Variants in SCAMP1 observed in about 807,000 individuals in gnomAD.
SCAMP1 encodes secretory carrier membrane protein 1, also known as secretory carrier-associated membrane protein 1.
SCAMP1 carries 15 observed loss-of-function variants against 41.8 expected under a neutral mutation model. The observed-to-expected ratio is 0.36, with a 90% CI of 0.24 to 0.55. The LOEUF (loss-of-function observed/expected upper bound fraction) is 0.55. Ranked by LOEUF, SCAMP1 falls within the 20% of genes least tolerant of loss-of-function variation. SCAMP1 has a pLI of 0.86. For synonymous variants in SCAMP1, 135 were observed against 136.8 expected, an observed-to-expected ratio of 0.99 and a Z score of 0.09; for missense variants, 341 against 412.6, an observed-to-expected ratio of 0.83 and a Z score of 1.50.
chr5:78,422,734 A>T (rs1462700747), intron 6 of SCAMP1, among the ~76,000 whole-genome samples: 3 of 152,140 alleles, frequency 2.0e-5, no homozygotes, highest in African/African-American at 7.2e-5. Context: ...ACTTTGTTGG[A>T]CTATTGCTTT....
chr5:78,366,197 G>A (rs1321720392), intron 1 of SCAMP1, among the ~76,000 whole-genome samples: 2 of 148,492 alleles, frequency 1.3e-5, no homozygotes, highest in African/African-American at 5.0e-5. Context: ...AGGCTGGAGT[G>A]CAGGGGTGCC....
chr5:78,418,836 G>A lies in SCAMP1; in HGVS notation c.405G>A (p.Gln135=). ...SNFPVGPCFY[Q]DFSVDIPVEF... is the part of the protein sequence containing the mutation. ...TTCCTGTCGGACCTTGTTTCTATCA[G>A]GATTTTTCTGTAGACATTCCTGTAG... Residue 135 remains glutamine (Q), a synonymous_variant, in exon 5 of 9, where the codon CAG becomes CAA. Coordinates refer to ENST00000621999, the MANE Select transcript of SCAMP1 (RefSeq NM_004866.6). 1 of 1,579,392 alleles carries A rather than the reference G, an allele frequency of 6.3e-7. No homozygotes were observed. Among genetic ancestry groups the A allele is most frequent in the Non-Finnish European group, 8.6e-7 (1 of 1,161,808 alleles).
At chr5:78,468,161 C>T (rs1267978615) in intron 8 of SCAMP1, among the ~76,000 whole-genome samples, 1 of 152,084 alleles carries the variant, frequency 6.6e-6, no homozygotes, top group African/African-American at 2.4e-5. Flanking sequence ...CTGCAGGGCC[C>T]AGTATGAGAT....
intron 7 of SCAMP1, among the ~76,000 whole-genome samples, chr5:78,454,393 GTGT>G (rs1427863247): frequency 6.6e-6 from 1 of 151,062 alleles, no homozygotes; most frequent in Admixed American, 6.6e-5. Context: ...TTAGCATGAA[GTGT>G]TGTTGAATTT....
intron 1 of SCAMP1, among the ~76,000 whole-genome samples, chr5:78,386,378 A>G (rs1372916264): frequency 6.6e-6 from 1 of 152,168 alleles, no homozygotes; most frequent in Non-Finnish European, 1.5e-5. Flanking sequence ...TGAAGACAGC[A>G]GATAGTTGGT....
intron 2 of SCAMP1, among the ~76,000 whole-genome samples, chr5:78,402,211 AT>A: frequency 7.0e-6 from 1 of 142,728 alleles, no homozygotes; most frequent in African/African-American, 2.6e-5. Context: ...TTTTTTTTTA[AT>A]TTGTTAAGGT....
chr5:78,437,850 T>A (rs1163594469), intron 6 of SCAMP1, among the ~76,000 whole-genome samples: 3 of 152,194 alleles, frequency 2.0e-5, no homozygotes, highest in Admixed American at 2.0e-4. Flanking sequence ...GTCCTGGACT[T>A]TATTTGGTTG....
intron 8 of SCAMP1, among the ~76,000 whole-genome samples, chr5:78,470,855 G>C (rs1251385735): frequency 6.6e-6 from 1 of 152,150 alleles, no homozygotes. Flanking sequence ...CAGGTGTGAA[G>C]TAGTTGTATA....
At chr5:78,374,852 T>C (rs1751027122) in intron 1 of SCAMP1, among the ~76,000 whole-genome samples, 2 of 152,066 alleles carry the variant, frequency 1.3e-5, no homozygotes, top group Admixed American at 1.3e-4. Context: ...ATGATATGAA[T>C]TTTTCAAAAT....
At chr5:78,423,087 A>G (rs1007176874) in intron 6 of SCAMP1, among the ~76,000 whole-genome samples, 39 of 152,200 alleles carry the variant, frequency 2.6e-4, no homozygotes, top group African/African-American at 8.9e-4. Flanking sequence ...CAGATGAGGG[A>G]AAAACAGAAG....
At chr5:78,378,260 A>G (rs1266425189) in intron 1 of SCAMP1, among the ~76,000 whole-genome samples, 1 of 152,224 alleles carries the variant, frequency 6.6e-6, no homozygotes, top group Non-Finnish European at 1.5e-5. Context: ...GTAGATTTTT[A>G]TGTTATTAGA....
At chr5:78,432,425 C>T (rs1752647115) in intron 6 of SCAMP1, among the ~76,000 whole-genome samples, 1 of 151,978 alleles carries the variant, frequency 6.6e-6, no homozygotes, top group African/African-American at 2.4e-5. Flanking sequence ...CTGAAAAAGT[C>T]TTCATTTTTT....
chr5:78,377,868 GA>G (rs980972639), intron 1 of SCAMP1, among the ~76,000 whole-genome samples: 2 of 152,056 alleles, frequency 1.3e-5, no homozygotes, highest in Non-Finnish European at 2.9e-5. Context: ...TTTTACTGAT[GA>G]AAAAACTGAG....
chr5:78,399,697 G>A (rs900036300), intron 2 of SCAMP1, among the ~76,000 whole-genome samples: 1 of 152,128 alleles, frequency 6.6e-6, no homozygotes, highest in Non-Finnish European at 1.5e-5. Context: ...GTATCTTTTG[G>A]ATAACGGTTC....
chr5:78,449,351 A>T (rs1004150065), intron 6 of SCAMP1, among the ~76,000 whole-genome samples: 2 of 152,200 alleles, frequency 1.3e-5, no homozygotes, highest in Admixed American at 1.3e-4. Flanking sequence ...AAACTGGGTG[A>T]ATCTCAGAAT....
intron 8 of SCAMP1, among the ~76,000 whole-genome samples, chr5:78,471,453 G>A (rs1321146533): frequency 6.6e-6 from 1 of 151,860 alleles, no homozygotes. Flanking sequence ...CTCAAAACAA[G>A]AATTTAAAAA....
intron 2 of SCAMP1, among the ~76,000 whole-genome samples, chr5:78,391,590 C>T (rs916222122): frequency 2.0e-5 from 3 of 152,102 alleles, no homozygotes; most frequent in Non-Finnish European, 4.4e-5. Flanking sequence ...ACGCTCCTCA[C>T]TTCCCACACG....
At chr5:78,470,670 A>G (rs150999077) in intron 8 of SCAMP1, among the ~76,000 whole-genome samples, 2 of 152,218 alleles carry the variant, frequency 1.3e-5, no homozygotes, top group African/African-American at 4.8e-5. Context: ...TTGTGTACAT[A>G]TATACCCAAT....
intron 1 of SCAMP1, among the ~76,000 whole-genome samples, chr5:78,361,551 G>A (rs1750653040): frequency 6.6e-6 from 1 of 152,192 alleles, no homozygotes; most frequent in Non-Finnish European, 1.5e-5. Flanking sequence ...CCCCGGCTTC[G>A]GAAGGGCTTG....
Sources: allele counts gnomAD v4.1 joint callset (sites outside exome capture counted in the v4.1 genomes callset), GRCh38; gene constraint gnomAD v4.1.1; transcripts MANE v1.5; gene names NCBI Gene and HGNC (gene_info 2026-07-23, HGNC 2026-07-21).